Variants in ADARB2 observed in about 807,000 individuals in gnomAD.
ADARB2 encodes the protein adenosine deaminase RNA specific B2 (inactive).
In ADARB2, 25 loss-of-function variants were observed where a neutral mutation model predicts 62.2. The observed-to-expected ratio is 0.40, with a 90% CI of 0.29 to 0.56. ADARB2 has a LOEUF of 0.56. ADARB2 is among the 20% of genes least tolerant of loss of function. The pLI, the probability that ADARB2 is intolerant of heterozygous loss-of-function variation, is 0.43. For synonymous variants in ADARB2, 572 were observed against 500.8 expected (o/e 1.14, Z -1.90); for missense variants, 1,071 against 1,077.4 (o/e 0.99, Z 0.08).
At chr10:1,395,837 G>T (rs1019929642) in intron 1 of ADARB2, among the ~76,000 whole-genome samples, 1 of 152,192 alleles carries the variant, frequency 6.6e-6, no homozygotes, top group Admixed American at 6.5e-5. Flanking sequence ...AGCGCCCCCG[G>T]CTTCCCCAGG....
chr10:1,452,358 TA>T (rs1365159202), intron 1 of ADARB2, among the ~76,000 whole-genome samples: 3 of 152,038 alleles, frequency 2.0e-5, no homozygotes, highest in Admixed American at 1.3e-4. Flanking sequence ...ATAACAATAA[TA>T]AAAAAACTTC....
chr10:1,678,766 C>T (rs1177243249), intron 1 of ADARB2, among the ~76,000 whole-genome samples: 1 of 152,078 alleles, frequency 6.6e-6, no homozygotes, highest in Non-Finnish European at 1.5e-5. Context: ...TGGCCCCTTC[C>T]CTTCCACATC....
At chr10:1,573,430 G>A (rs1272210295) in intron 1 of ADARB2, among the ~76,000 whole-genome samples, 4 of 152,294 alleles carry the variant, frequency 2.6e-5, no homozygotes, top group East Asian at 1.9e-4. Context: ...AGTGTGGAGC[G>A]GAAACTGGTG....
At chr10:1,338,684 CT>C (rs201529549) in intron 3 of ADARB2, among the ~76,000 whole-genome samples, 6,019 of 152,318 alleles carry the variant, frequency 0.04, 137 homozygotes, top group South Asian at 0.097. Flanking sequence ...CGTGGGCCAG[CT>C]CACAGCCCCA....
At chr10:1,443,494 A>G (rs1411544280) in intron 1 of ADARB2, among the ~76,000 whole-genome samples, 1 of 152,140 alleles carries the variant, frequency 6.6e-6, no homozygotes, top group Non-Finnish European at 1.5e-5. Flanking sequence ...TAGTATTTTT[A>G]TTTAACCATG....
chr10:1,734,352 T>C (rs1835274494), intron 1 of ADARB2, among the ~76,000 whole-genome samples: 1 of 149,540 alleles, frequency 6.7e-6, no homozygotes, highest in Non-Finnish European at 1.5e-5. Context: ...GCATAGTAAC[T>C]AAAATATAAC....
chr10:1,578,195 T>C (rs1833047473), intron 1 of ADARB2, among the ~76,000 whole-genome samples: 1 of 151,988 alleles, frequency 6.6e-6, no homozygotes. Flanking sequence ...TCCCAGCACT[T>C]CCCGCAGCGG....
chr10:1,670,624 C>T (rs974787168), intron 1 of ADARB2, among the ~76,000 whole-genome samples: 4 of 152,238 alleles, frequency 2.6e-5, no homozygotes, highest in Admixed American at 2.0e-4. Context: ...CTGGAAGGAA[C>T]CTGGTGCCTG....
chr10:1,241,022 G>T (rs1242584338), intron 5 of ADARB2, among the ~76,000 whole-genome samples: 1 of 152,196 alleles, frequency 6.6e-6, no homozygotes, highest in Admixed American at 6.5e-5. Flanking sequence ...TGTAATCTCA[G>T]CACTTTGGGA....
chr10:1,539,628 T>C (rs1832384023), intron 1 of ADARB2, among the ~76,000 whole-genome samples: 1 of 152,256 alleles, frequency 6.6e-6, no homozygotes, highest in Non-Finnish European at 1.5e-5. Context: ...AGCTAGTTAT[T>C]GCCTTCACTT....
At chr10:1,247,111 C>G (rs1830993235) in intron 4 of ADARB2, among the ~76,000 whole-genome samples, 3 of 152,138 alleles carry the variant, frequency 2.0e-5, no homozygotes, top group South Asian at 4.1e-4. Context: ...AAAGGGAGTT[C>G]ACTCATGATT....
chr10:1,483,192 T>A (rs1437015526), intron 1 of ADARB2, among the ~76,000 whole-genome samples: 1 of 152,236 alleles, frequency 6.6e-6, no homozygotes, highest in Non-Finnish European at 1.5e-5. Flanking sequence ...CCCGTAAGAT[T>A]TAAATTGCAG....
At chr10:1,441,529 T>C (rs1397998047) in intron 1 of ADARB2, among the ~76,000 whole-genome samples, 3 of 152,222 alleles carry the variant, frequency 2.0e-5, no homozygotes, top group Non-Finnish European at 4.4e-5. Context: ...CCAAGTCCTT[T>C]AGACATATTA....
intron 1 of ADARB2, among the ~76,000 whole-genome samples, chr10:1,499,400 A>G (rs1214016494): frequency 6.6e-6 from 1 of 151,630 alleles, no homozygotes; most frequent in African/African-American, 2.4e-5. Flanking sequence ...ATCAGTCATT[A>G]CTCATTCATC....
intron 6 of ADARB2, among the ~76,000 whole-genome samples, chr10:1,223,948 A>T (rs1391727413): frequency 6.6e-6 from 1 of 152,214 alleles, no homozygotes; most frequent in African/African-American, 2.4e-5. Flanking sequence ...AAAATGCGTT[A>T]GGGAGGATTC....
intron 1 of ADARB2, 125 bp downstream of exon 1, chr10:1,736,926 C>A: frequency 1.1e-6 from 1 of 943,976 alleles, no homozygotes; most frequent in East Asian, 2.6e-5. Context: ...CACGGAGCAG[C>A]CATCCCGCCA....
At chr10:1,499,213 T>C (rs555372029) in intron 1 of ADARB2, among the ~76,000 whole-genome samples, 1 of 151,956 alleles carries the variant, frequency 6.6e-6, no homozygotes, top group East Asian at 2.0e-4. Flanking sequence ...TTAACACTCA[T>C]TCATTACTCA....
At chr10:1,575,976 A>AGGGGGCTCAGGGCCACGGGAG in intron 1 of ADARB2, among the ~76,000 whole-genome samples, 1 of 116,266 alleles carries the variant, frequency 8.6e-6, no homozygotes, top group Admixed American at 8.3e-5. Flanking sequence ...GGGCCATGGG[A>AGGGGGCTCAGGGCCACGGGAG]GGGGGCTCAG....
intron 1 of ADARB2, among the ~76,000 whole-genome samples, chr10:1,471,303 G>T (rs60899799): frequency 1.3e-5 from 2 of 152,028 alleles, no homozygotes; most frequent in African/African-American, 2.4e-5. Context: ...CTCTGTCTCC[G>T]TGTGTCCACT....
Sources: allele counts gnomAD v4.1 joint callset (sites outside exome capture counted in the v4.1 genomes callset), GRCh38; gene constraint gnomAD v4.1.1; transcripts MANE v1.5; gene names NCBI Gene and HGNC (gene_info 2026-07-23, HGNC 2026-07-21).